Variants in N4BP2L1 observed in about 807,000 individuals in gnomAD.
N4BP2L1 encodes the protein NEDD4-binding protein 2-like 1.
A neutral mutation model predicts 21.2 loss-of-function variants in N4BP2L1; 12 were observed. The ratio of observed to expected loss-of-function variants is 0.57; its 90% CI spans 0.36 to 0.92. N4BP2L1 has a LOEUF of 0.92. N4BP2L1 is among the 40% of genes least tolerant of loss of function. N4BP2L1 has a pLI of 0.01. For missense variants in N4BP2L1, 259 were observed against 310.6 expected (o/e 0.83, Z 1.25); for synonymous variants, 104 against 112.8 (o/e 0.92, Z 0.49).
rs112376575 is a variant in N4BP2L1, at chr13:32,419,772, T to C, written c.179+8132A>G. Among the ~76,000 whole-genome samples the C allele has an allele frequency of 8.9e-3, 1,358 of 152,310 alleles. 29 individuals are homozygous for C. Among genetic ancestry groups the C allele is most frequent in the African/African-American group, 0.031 (1,287 of 41,550 alleles). ...CCAGTTTTGGGTATGTCTTTATTAG[T>C]AGAATGAGAACAGACTAATACAACC... On this transcript the variant is annotated intron_variant, in intron 1 of 4. Transcript: ENST00000380130.
chr13:32,426,385 A>G (rs2074764389), intron 1 of N4BP2L1, among the ~76,000 whole-genome samples: 1 of 152,128 alleles, frequency 6.6e-6, no homozygotes, highest in Admixed American at 6.5e-5. Context: ...GCTGAGTTCC[A>G]AGGAGGCTCC....
At chr13:32,406,043 C>T (rs1013389016) in intron 3 of N4BP2L1, among the ~76,000 whole-genome samples, 1 of 151,636 alleles carries the variant, frequency 6.6e-6, no homozygotes, top group Non-Finnish European at 1.5e-5. Context: ...GCTGGGACTA[C>T]AGGCGCCTGC....
At chr13:32,412,125 T>C (rs2073892660) in intron 1 of N4BP2L1, among the ~76,000 whole-genome samples, 1 of 151,976 alleles carries the variant, frequency 6.6e-6, no homozygotes, top group South Asian at 2.1e-4. Context: ...CCCTTAAGTC[T>C]CATTTATCCT....
intron 1 of N4BP2L1, chr13:32,411,564 C>T: frequency 1.0e-6 from 1 of 985,226 alleles, no homozygotes; most frequent in Non-Finnish European, 1.2e-6. Flanking sequence ...GGGTTAAGCC[C>T]CAGTTCTATC....
chr13:32,420,509 T>A (rs936909725), intron 1 of N4BP2L1: 2 of 152,282 alleles, frequency 1.3e-5, no homozygotes, highest in South Asian at 4.1e-4. Context: ...GCATCTTTGA[T>A]CCCAATTTTT....
intron 1 of N4BP2L1, among the ~76,000 whole-genome samples, chr13:32,427,507 G>T (rs1304349943): frequency 1.3e-5 from 2 of 152,242 alleles, no homozygotes; most frequent in African/African-American, 4.8e-5. Context: ...GGCTGGGGAG[G>T]CTGGGGGCGG....
chr13:32,415,899 G>A (rs1373783781), intron 1 of N4BP2L1: 1 of 152,122 alleles, frequency 6.6e-6, no homozygotes, highest in Admixed American at 6.6e-5. Flanking sequence ...CTTTTCAACA[G>A]CACTTATCAC....
Position 32,402,375 on chromosome 13 carries a change from T to TA in N4BP2L1, c.*566dup, listed in dbSNP as rs1461801663. ...TAAAGAAATAACTTCCCAAAGTGTC[T>TA]ACTTTGAAGGACAATGTTCCCTTAG... On this transcript the variant is annotated 3_prime_UTR_variant, in exon 5 of 5. Transcript: ENST00000380130. 1.5e-6 allele frequency: 1 copy of TA among 687,058 alleles called. No homozygotes were observed. Among genetic ancestry groups the TA allele is most frequent in the Non-Finnish European group, 1.8e-6 (1 of 557,852 alleles). 42.6% of individuals were successfully genotyped at this position (687,058 alleles called of 1,614,324 possible).
intron 3 of N4BP2L1, among the ~76,000 whole-genome samples, chr13:32,406,102 G>C (rs968529368): frequency 1.3e-5 from 2 of 151,160 alleles, no homozygotes; most frequent in African/African-American, 4.9e-5. Context: ...GTAGAGACGG[G>C]GTTTCACCGT....
At chr13:32,413,106 A>G (rs1196089679) in intron 1 of N4BP2L1, among the ~76,000 whole-genome samples, 1 of 152,024 alleles carries the variant, frequency 6.6e-6, no homozygotes, top group Non-Finnish European at 1.5e-5. Context: ...TTGTATTTTT[A>G]GTAGAGATGG....
At chr13:32,421,087 T>C (rs1415710518) in intron 1 of N4BP2L1, among the ~76,000 whole-genome samples, 1 of 152,202 alleles carries the variant, frequency 6.6e-6, no homozygotes, top group Non-Finnish European at 1.5e-5. Flanking sequence ...CTTCCACATC[T>C]TAGGAGGCAT....
chr13:32,418,641 C>T (rs206326), intron 1 of N4BP2L1, among the ~76,000 whole-genome samples: 31,993 of 152,190 alleles, frequency 0.21, 3,651 homozygotes, highest in South Asian at 0.39. Context: ...CGCAGACACT[C>T]AATGCCAGCT....
At chr13:32,404,226 TGTCC>T (rs2073333126) in intron 4 of N4BP2L1, 91 bp downstream of exon 4, 1 of 1,587,966 alleles carries the variant, frequency 6.3e-7, no homozygotes, top group Non-Finnish European at 8.6e-7. Flanking sequence ...AAAACTACCA[TGTCC>T]ATTTCCAGCC....
chr13:32,420,583 C>G (rs1205279290), intron 1 of N4BP2L1: 1 of 152,188 alleles, frequency 6.6e-6, no homozygotes, highest in Non-Finnish European at 1.5e-5. Context: ...TCACCTGCAA[C>G]AAATAGGAAT....
chr13:32,414,414 T>C (rs1368228280), intron 1 of N4BP2L1, among the ~76,000 whole-genome samples: 1 of 152,222 alleles, frequency 6.6e-6, no homozygotes, highest in Non-Finnish European at 1.5e-5. Flanking sequence ...AGAGATATTC[T>C]TTGGTGAACT....
At chr13:32,407,902 A>C in intron 1 of N4BP2L1, 130 bp from the exon 2 acceptor site, 1 of 1,042,106 alleles carries the variant, frequency 9.6e-7, no homozygotes, top group South Asian at 1.6e-5. Context: ...AGTTGTTAAA[A>C]TGCAGTTTCA....
chr13:32,420,742 G>C (rs2074425667), intron 1 of N4BP2L1, among the ~76,000 whole-genome samples: 1 of 152,038 alleles, frequency 6.6e-6, no homozygotes, highest in African/African-American at 2.4e-5. Context: ...TGCCCAGGCT[G>C]GAGTGCAATG....
intron 4 of N4BP2L1, chr13:32,403,813 C>T (rs1443410294): frequency 4.0e-6 from 2 of 504,640 alleles, no homozygotes; most frequent in African/African-American, 3.9e-5. Flanking sequence ...ATTCTTACCT[C>T]ACTGGCTATT....
Position 32,402,275 on chromosome 13 carries a change from A to G in N4BP2L1, c.*667T>C. 1 of 701,934 alleles carries G rather than the reference A, an allele frequency of 1.4e-6. No homozygotes were observed. The highest frequency in any genetic ancestry group is 1.8e-6 in the Non-Finnish European group (1 of 571,228). The allele number at this position is 701,934 out of a possible 1,614,324, so 43.5% of individuals were successfully genotyped here. A position where few individuals can be genotyped will look rare whatever the true frequency, so the allele number is the denominator to read the frequency against. On this transcript the variant is annotated 3_prime_UTR_variant, in exon 5 of 5. Transcript: ENST00000380130. The stretch of plus-strand genomic sequence containing the variant: ...ACACAAGGCGTGACTTTAAATAATG[A>G]CACTGATTTCCCTCAGTAGCTCCTG...
Sources: allele counts gnomAD v4.1 joint callset (sites outside exome capture counted in the v4.1 genomes callset), GRCh38; gene constraint gnomAD v4.1.1; transcripts MANE v1.5; gene names NCBI Gene and HGNC (gene_info 2026-07-23, HGNC 2026-07-21).